The following GPR158 variants were observed in gnomAD, a reference collection of about 807,000 sequenced individuals.
GPR158 encodes metabotropic glycine receptor.
GPR158 carries 30 observed loss-of-function variants against 78.2 expected under a neutral mutation model. The observed-to-expected ratio is 0.38, with a 90% CI of 0.29 to 0.52. GPR158 has a LOEUF of 0.52. GPR158 is among the 20% of genes least tolerant of loss of function. The pLI, the probability that GPR158 is intolerant of heterozygous loss-of-function variation, is 0.83. For synonymous variants in GPR158, 581 were observed against 591.1 expected, an observed-to-expected ratio of 0.98 and a Z score of 0.25; for missense variants, 1,463 against 1,523.5, an observed-to-expected ratio of 0.96 and a Z score of 0.66.
intron 2 of GPR158, chr10:25,393,953 C>T (rs1834335728): frequency 6.6e-6 from 1 of 152,156 alleles, no homozygotes; most frequent in Non-Finnish European, 1.5e-5. Flanking sequence ...AATTATACAG[C>T]CCAGACATCT....
chr10:25,239,382 C>G (rs1455929789), intron 2 of GPR158, among the ~76,000 whole-genome samples: 1 of 151,968 alleles, frequency 6.6e-6, no homozygotes, highest in Non-Finnish European at 1.5e-5. Flanking sequence ...AGGCAGATCT[C>G]CTGAGAGATC....
intron 2 of GPR158, among the ~76,000 whole-genome samples, chr10:25,366,098 G>A (rs183868121): frequency 2.0e-5 from 3 of 151,282 alleles, no homozygotes; most frequent in African/African-American, 4.8e-5. Context: ...TTTTAATATA[G>A]CACAATTTAT....
chr10:25,477,659 G>C (rs1009053112), intron 5 of GPR158, among the ~76,000 whole-genome samples: 12 of 151,720 alleles, frequency 7.9e-5, no homozygotes, highest in Non-Finnish European at 1.5e-4. Context: ...GAGCCATTTG[G>C]ATTGATACAA....
intron 5 of GPR158, among the ~76,000 whole-genome samples, chr10:25,478,648 AT>A (rs975859974): frequency 2.8e-4 from 42 of 151,454 alleles, no homozygotes; most frequent in African/African-American, 7.3e-4. Context: ...TCACTTTTTA[AT>A]TTTTTTTTAT....
intron 5 of GPR158, among the ~76,000 whole-genome samples, chr10:25,500,421 C>T (rs1271051494): frequency 6.6e-6 from 1 of 152,112 alleles, no homozygotes; most frequent in African/African-American, 2.4e-5. Context: ...TTTCAAAATT[C>T]CTGGGGATTA....
intron 2 of GPR158, among the ~76,000 whole-genome samples, chr10:25,271,818 T>G (rs1433400739): frequency 1.3e-5 from 2 of 152,114 alleles, no homozygotes; most frequent in Admixed American, 1.3e-4. Flanking sequence ...TTTTTTTTCT[T>G]TAGTAGAAAT....
At chr10:25,515,832 G>T (rs566047200) in intron 5 of GPR158, among the ~76,000 whole-genome samples, 3 of 148,056 alleles carry the variant, frequency 2.0e-5, no homozygotes, top group African/African-American at 7.6e-5. Flanking sequence ...ATAAACATAC[G>T]TGTGCATGTG....
intron 5 of GPR158, among the ~76,000 whole-genome samples, chr10:25,469,159 G>C (rs191639021): frequency 1.1e-3 from 170 of 152,246 alleles, no homozygotes; most frequent in African/African-American, 3.8e-3. Flanking sequence ...CTGAGTTCTT[G>C]TAGCTTTTCT....
At chr10:25,390,119 T>A (rs187220294) in intron 2 of GPR158, among the ~76,000 whole-genome samples, 151 of 152,332 alleles carry the variant, frequency 9.9e-4, no homozygotes, top group Admixed American at 2.2e-3. Flanking sequence ...TCCCCATCCA[T>A]GTGGAACTGT....
rs11014615 is a variant in GPR158 at position 25,570,354 on chromosome 10, T to C, written c.1515-2295T>C. On this transcript the variant is annotated intron_variant, in intron 6 of 10. Coordinates refer to ENST00000376351, the MANE Select transcript of GPR158 (RefSeq NM_020752.3). Reference sequence around the variant, plus strand: ...TACTGTAATTTAAAACACAAATAATTACTCACCAGTCTTTTTGAAATAAGG... The same window carrying C: ...TACTGTAATTTAAAACACAAATAATCACTCACCAGTCTTTTTGAAATAAGG... Among the ~76,000 whole-genome samples the C allele has an allele frequency of 7.6e-3, 1,161 of 152,326 alleles. 24 individuals carry two copies. The highest frequency in any genetic ancestry group is 0.027 in the African/African-American group (1,121 of 41,572).
chr10:25,382,184 C>T (rs559289393), intron 2 of GPR158, among the ~76,000 whole-genome samples: 1 of 152,198 alleles, frequency 6.6e-6, no homozygotes, highest in East Asian at 1.9e-4. Flanking sequence ...GTTTGTCAAG[C>T]CTTTGGGCTA....
chr10:25,445,177 A>G (rs1003552847), intron 4 of GPR158, among the ~76,000 whole-genome samples: 1 of 152,230 alleles, frequency 6.6e-6, no homozygotes, highest in African/African-American at 2.4e-5. Flanking sequence ...GAAAAAAGGA[A>G]CAGGTATACA....
At chr10:25,565,204 T>C (rs545127616) in intron 6 of GPR158, among the ~76,000 whole-genome samples, 19 of 152,346 alleles carry the variant, frequency 1.2e-4, no homozygotes, top group South Asian at 2.1e-4. Flanking sequence ...TTAAATCTTC[T>C]TGCCTTCATG....
intron 2 of GPR158, among the ~76,000 whole-genome samples, chr10:25,257,006 G>T (rs1853897577): frequency 6.6e-6 from 1 of 152,160 alleles, no homozygotes; most frequent in Non-Finnish European, 1.5e-5. Context: ...TAGCATATAT[G>T]TCTTAGTTCA....
intron 1 of GPR158, among the ~76,000 whole-genome samples, chr10:25,202,614 C>T (rs1320870470): frequency 1.3e-5 from 2 of 152,104 alleles, no homozygotes; most frequent in East Asian, 1.9e-4. Context: ...ATAGTATTTC[C>T]TGGTGTATAT....
At chr10:25,423,095 G>A (rs1564451119) in intron 4 of GPR158, among the ~76,000 whole-genome samples, 1 of 91,602 alleles carries the variant, frequency 1.1e-5, no homozygotes, top group Non-Finnish European at 2.4e-5. Context: ...GTATGTGTGT[G>A]TGTGTATATG....
chr10:25,493,244 G>T (rs1462273488), intron 5 of GPR158, among the ~76,000 whole-genome samples: 5 of 152,128 alleles, frequency 3.3e-5, no homozygotes, highest in Admixed American at 1.3e-4. Flanking sequence ...CACAATTGCA[G>T]CAAATGCCCT....
intron 1 of GPR158, among the ~76,000 whole-genome samples, chr10:25,218,852 G>A (rs956269468): frequency 7.0e-6 from 1 of 142,798 alleles, no homozygotes; most frequent in Non-Finnish European, 1.5e-5. Flanking sequence ...TTTCCCCATG[G>A]AACTTATTTT....
rs1396147529 is a variant in GPR158 at position 25,250,968 on chromosome 10, C to G, written c.1008+29811C>G. Among the ~76,000 whole-genome samples the G allele has an allele frequency of 5.8e-3, 870 of 151,298 alleles. 16 individuals carry two copies. The highest frequency in any genetic ancestry group is 0.02 in the African/African-American group (835 of 40,932). Reference sequence around the variant, plus strand: ...CGTCTAAGTCTCTTTGTAGGTCACTCAGGACTTGCTTTATGAATCTGGGTG... The same window carrying G: ...CGTCTAAGTCTCTTTGTAGGTCACTGAGGACTTGCTTTATGAATCTGGGTG... On this transcript the variant is annotated intron_variant, in intron 2 of 10. Transcript: ENST00000376351.
Sources: allele counts gnomAD v4.1 joint callset (sites outside exome capture counted in the v4.1 genomes callset), GRCh38; gene constraint gnomAD v4.1.1; transcripts MANE v1.5; gene names NCBI Gene and HGNC (gene_info 2026-07-23, HGNC 2026-07-21).